Variants in CDH2 observed in about 807,000 individuals in gnomAD.
CDH2 encodes cadherin-2.
Under a neutral mutation model 92.0 loss-of-function variants are expected in CDH2, and 17 were observed. That is an observed-to-expected ratio of 0.18 (90% CI 0.13 to 0.28). CDH2 has a LOEUF of 0.28. Among genes scored for constraint, CDH2 ranks in the 10% least tolerant of loss-of-function variants. The pLI, the probability that CDH2 is intolerant of heterozygous loss-of-function variation, is 1.00. For missense variants in CDH2, 862 were observed against 1,133.1 expected (o/e 0.76, Z 3.44); for synonymous variants, 419 against 415.9 (o/e 1.01, Z -0.09).
chr18:27,967,288 T>C (rs982429795), intron 14 of CDH2, among the ~76,000 whole-genome samples: 4 of 152,200 alleles, frequency 2.6e-5, no homozygotes, highest in African/African-American at 7.2e-5. Context: ...TTGACGTCTA[T>C]CTGTGTTGTA....
intron 2 of CDH2, among the ~76,000 whole-genome samples, chr18:28,034,190 T>C (rs2013768938): frequency 6.6e-6 from 1 of 152,056 alleles, no homozygotes; most frequent in South Asian, 2.1e-4. Flanking sequence ...TCAGCTGTAA[T>C]ATGAGGGACT....
intron 6 of CDH2, among the ~76,000 whole-genome samples, chr18:27,941,647 G>A (rs1909142254): frequency 6.6e-6 from 1 of 152,158 alleles, no homozygotes; most frequent in African/African-American, 2.4e-5. Flanking sequence ...TGCAGCCAAA[G>A]GGTTTAAGAG....
intron 13 of CDH2, among the ~76,000 whole-genome samples, chr18:27,983,458 G>T (rs139372170): frequency 2.2e-3 from 338 of 152,286 alleles, no homozygotes; most frequent in African/African-American, 7.6e-3. Flanking sequence ...CAAAACAGCA[G>T]TAAGGTGTTA....
intron 2 of CDH2, among the ~76,000 whole-genome samples, chr18:28,021,376 A>G (rs911819098): frequency 6.6e-6 from 1 of 151,976 alleles, no homozygotes; most frequent in African/African-American, 2.4e-5. Context: ...ATGGGAAAAA[A>G]GAAAATACGC....
intron 2 of CDH2, among the ~76,000 whole-genome samples, chr18:28,096,407 C>CTT (rs200109784): frequency 2.5e-4 from 34 of 138,202 alleles, no homozygotes; most frequent in African/African-American, 8.8e-4. Context: ...GAGGCAAGTT[C>CTT]TTTTTTTTTT....
chr18:28,063,333 TCAACAAC>T (rs1479171330), intron 2 of CDH2, among the ~76,000 whole-genome samples: 33 of 151,872 alleles, frequency 2.2e-4, no homozygotes, highest in South Asian at 1.2e-3. Flanking sequence ...GGTAGAGGAG[TCAACAAC>T]CAACAATGCA....
At chr18:28,040,535 C>T (rs2013928344) in intron 2 of CDH2, among the ~76,000 whole-genome samples, 1 of 152,124 alleles carries the variant, frequency 6.6e-6, no homozygotes, top group African/African-American at 2.4e-5. Context: ...TTAGGTTTAC[C>T]TCCTGTTAAC....
intron 2 of CDH2, among the ~76,000 whole-genome samples, chr18:28,075,526 G>T (rs537812011): frequency 3.3e-5 from 5 of 152,168 alleles, no homozygotes; most frequent in Non-Finnish European, 5.9e-5. Flanking sequence ...AATGGGCAAT[G>T]ATCTAGATAT....
At chr18:27,952,486 A>G (rs1909510342) in intron 15 of CDH2, 127 bp from the exon 16 acceptor site, 4 of 715,810 alleles carry the variant, frequency 5.6e-6, no homozygotes, top group African/African-American at 1.8e-5. Flanking sequence ...TTTACATACC[A>G]TATTTTCAAC....
chr18:28,091,363 G>C (rs2015034550), intron 2 of CDH2, among the ~76,000 whole-genome samples: 1 of 152,092 alleles, frequency 6.6e-6, no homozygotes, highest in Non-Finnish European at 1.5e-5. Flanking sequence ...CACCTACTCT[G>C]TAACGAATTG....
chr18:28,150,188 G>C (rs1371151670), intron 1 of CDH2, among the ~76,000 whole-genome samples: 1 of 152,230 alleles, frequency 6.6e-6, no homozygotes, highest in Non-Finnish European at 1.5e-5. Flanking sequence ...TCTAAGAGCA[G>C]TGAAGCATGG....
At chr18:28,174,651 T>G (rs1241216565) in intron 1 of CDH2, among the ~76,000 whole-genome samples, 2 of 151,988 alleles carry the variant, frequency 1.3e-5, no homozygotes, top group Non-Finnish European at 2.9e-5. Context: ...TAGAAACACT[T>G]AAGAAAAAAC....
chr18:27,982,922 A>G, intron 14 of CDH2, 22 bp downstream of exon 14: 1 of 1,504,430 alleles, frequency 6.6e-7, no homozygotes. Context: ...ATTTATTTTT[A>G]AAGATTTAAA....
intron 2 of CDH2, among the ~76,000 whole-genome samples, chr18:28,092,991 G>A (rs141877657): frequency 2.3e-3 from 346 of 151,966 alleles, no homozygotes; most frequent in Non-Finnish European, 3.1e-3. Context: ...AGGTAACACC[G>A]AGTTGTCACA....
rs562222525 is a variant in CDH2, at chr18:28,013,787, G to A, written c.295C>T (p.His99Tyr). The change falls in exon 3 of 16, where the codon CAT (histidine) becomes TAT (tyrosine). Residue 99 changes from histidine to tyrosine, a missense_variant. His to Tyr is a moderately conservative substitution (Grantham distance 83). Coordinates refer to ENST00000269141, the MANE Select transcript of CDH2 (RefSeq NM_001792.5). ...TGGGCATATATCAGGAACTTGGCATGCTCAGAAGAGAGTGGAAAGCTTCTC... is the reference window on the plus strand; with the variant it reads ...TGGGCATATATCAGGAACTTGGCATACTCAGAAGAGAGTGGAAAGCTTCTC... ...AVRSFPLSSEHAKFLIYAQDK... is the reference protein window; with the variant it reads ...AVRSFPLSSEYAKFLIYAQDK... The A allele has an allele frequency of 1.8e-5, 29 of 1,614,010 alleles. No homozygotes were observed. In the South Asian group the frequency reaches 2.7e-4, roughly 15 times the overall value.
chr18:28,146,552 A>C (rs941571005), intron 2 of CDH2: 3 of 152,114 alleles, frequency 2.0e-5, no homozygotes, highest in African/African-American at 7.2e-5. Flanking sequence ...AAAATTAAAA[A>C]TCAACTTCAG....
chr18:28,062,700 G>A (rs2014426122), intron 2 of CDH2, among the ~76,000 whole-genome samples: 2 of 152,174 alleles, frequency 1.3e-5, no homozygotes, highest in African/African-American at 4.8e-5. Context: ...CAGGCTAGGC[G>A]TGGTGGCTCA....
intron 4 of CDH2, among the ~76,000 whole-genome samples, chr18:28,010,636 GTACTTA>G (rs2013068868): frequency 6.6e-6 from 1 of 151,534 alleles, no homozygotes; most frequent in Admixed American, 6.6e-5. Context: ...TATGTATTAG[GTACTTA>G]TACTTAATCC....
chr18:28,136,702 A>T (rs11564310), intron 2 of CDH2, among the ~76,000 whole-genome samples: 31,290 of 152,062 alleles, frequency 0.21, 3,748 homozygotes, highest in Non-Finnish European at 0.28. Context: ...ACCTCCAAAA[A>T]TCCATCTAGA....
Sources: allele counts gnomAD v4.1 joint callset (sites outside exome capture counted in the v4.1 genomes callset), GRCh38; gene constraint gnomAD v4.1.1; transcripts MANE v1.5; gene names NCBI Gene and HGNC (gene_info 2026-07-23, HGNC 2026-07-21).